HMBOX1: variants seen among roughly 807,000 people sequenced by gnomAD.
HMBOX1 encodes homeobox containing 1, also known as homeobox-containing protein 1.
In HMBOX1, 14 loss-of-function variants were observed where a neutral mutation model predicts 54.5. The observed-to-expected ratio is 0.26, with a 90% CI of 0.17 to 0.40. The LOEUF (loss-of-function observed/expected upper bound fraction) is 0.40, where lower values mean the gene tolerates loss of function less well. Among genes scored for constraint, HMBOX1 ranks in the 10% least tolerant of loss-of-function variants. The probability of loss-of-function intolerance (pLI) is 1.00; values close to 1 mark genes in which losing one functional copy is unlikely to be tolerated. For missense variants in HMBOX1, 332 were observed against 514.4 expected (o/e 0.65, Z 3.43); for synonymous variants, 160 against 181.0 (o/e 0.88, Z 0.93).
At chr8:28,935,399 A>G (rs982363048) in intron 1 of HMBOX1, among the ~76,000 whole-genome samples, 2 of 152,228 alleles carry the variant, frequency 1.3e-5, no homozygotes, top group African/African-American at 2.4e-5. Flanking sequence ...GAGACTGGAA[A>G]GACTTTTGTT....
intron 3 of HMBOX1, among the ~76,000 whole-genome samples, chr8:28,971,031 T>C (rs1039672701): frequency 3.7e-5 from 5 of 134,762 alleles, no homozygotes; most frequent in East Asian, 4.5e-4. Context: ...CACACACACA[T>C]TGTCTTTTAT....
At chr8:28,989,361 AC>A (rs1830633906) in intron 4 of HMBOX1, among the ~76,000 whole-genome samples, 2 of 152,010 alleles carry the variant, frequency 1.3e-5, no homozygotes, top group Non-Finnish European at 2.9e-5. Context: ...TTTAGCTCTT[AC>A]ATTAGGTCAA....
chr8:28,896,940 A>AT (rs373224922), intron 1 of HMBOX1, among the ~76,000 whole-genome samples: 169 of 142,688 alleles, frequency 1.2e-3, no homozygotes, highest in South Asian at 2.8e-3. Context: ...AAACATACCA[A>AT]TTTTTTTTTT....
chr8:29,014,130 A>G (rs994892177), intron 5 of HMBOX1, among the ~76,000 whole-genome samples: 3 of 152,152 alleles, frequency 2.0e-5, no homozygotes, highest in African/African-American at 7.2e-5. Flanking sequence ...ACATTATGAT[A>G]TATGTAAAGA....
At chr8:29,040,341 T>G (rs1476931930) in intron 6 of HMBOX1, among the ~76,000 whole-genome samples, 1 of 152,214 alleles carries the variant, frequency 6.6e-6, no homozygotes, top group Non-Finnish European at 1.5e-5. Flanking sequence ...TATTTCCTGG[T>G]CTACCTTTAT....
chr8:28,924,988 A>G (rs191909855), intron 1 of HMBOX1, among the ~76,000 whole-genome samples: 8 of 149,424 alleles, frequency 5.4e-5, no homozygotes, highest in African/African-American at 9.8e-5. Context: ...TAAGAGCAGA[A>G]CCTGTTATCT....
In HMBOX1 at chr8:29,009,193, T is replaced by C; in HGVS notation, c.697+11T>C. ...AGAAGACAAACCCTGGTAAATAGCATTTCCTTTTATTTATTGCATCTGAAA... is the reference window on the plus strand; with the variant it reads ...AGAAGACAAACCCTGGTAAATAGCACTTCCTTTTATTTATTGCATCTGAAA... On this transcript the variant is annotated intron_variant, in intron 5 of 9. Coordinates refer to ENST00000287701, the MANE Select transcript of HMBOX1 (RefSeq NM_001135726.3). 6.3e-7 allele frequency: 1 copy of C among 1,574,874 alleles called. No homozygotes were observed. The highest frequency in any genetic ancestry group is 8.7e-7 in the Non-Finnish European group (1 of 1,144,724).
intron 1 of HMBOX1, among the ~76,000 whole-genome samples, chr8:28,910,926 C>T (rs549010171): frequency 2.6e-5 from 4 of 152,250 alleles, no homozygotes; most frequent in African/African-American, 9.6e-5. Context: ...AGAGCAGTGA[C>T]AGGGTACCTT....
intron 1 of HMBOX1, among the ~76,000 whole-genome samples, chr8:28,898,888 A>C (rs1183477066): frequency 6.6e-6 from 1 of 152,172 alleles, no homozygotes; most frequent in Non-Finnish European, 1.5e-5. Context: ...GTAGCGTGGA[A>C]AGCACCTTTT....
chr8:28,980,214 A>G, intron 4 of HMBOX1, 58 bp downstream of exon 4: 1 of 1,242,622 alleles, frequency 8.0e-7, no homozygotes, highest in Admixed American at 1.7e-5. Flanking sequence ...CTTCTGGTGC[A>G]GATGTTGGAA....
intron 1 of HMBOX1, among the ~76,000 whole-genome samples, chr8:28,918,029 TTCTTC>T (rs954524834): frequency 6.6e-6 from 1 of 152,064 alleles, no homozygotes; most frequent in African/African-American, 2.4e-5. Context: ...GGGAAATTCT[TTCTTC>T]TCTTCTATTT....
At chr8:28,926,304 T>TATATACACACACACACAC (rs796953426) in intron 1 of HMBOX1, among the ~76,000 whole-genome samples, 4 of 142,138 alleles carry the variant, frequency 2.8e-5, no homozygotes, top group African/African-American at 1.1e-4. Context: ...TATATATATA[T>TATATACACACACACACAC]ACACACACAC....
At chr8:28,987,035 C>A (rs888799274) in intron 4 of HMBOX1, among the ~76,000 whole-genome samples, 1 of 152,120 alleles carries the variant, frequency 6.6e-6, no homozygotes, top group East Asian at 1.9e-4. Flanking sequence ...GGGCTTCAGT[C>A]ATCTCAAATG....
At chr8:29,006,108 T>G (rs1833420830) in intron 4 of HMBOX1, among the ~76,000 whole-genome samples, 2 of 150,702 alleles carry the variant, frequency 1.3e-5, no homozygotes. Context: ...TTCTCCTGCC[T>G]CAGCCTCCCG....
At chr8:28,937,807 T>C (rs1820661204) in intron 1 of HMBOX1, among the ~76,000 whole-genome samples, 1 of 152,236 alleles carries the variant, frequency 6.6e-6, no homozygotes, top group African/African-American at 2.4e-5. Context: ...AAAATAACTT[T>C]AAAAATTAGA....
chr8:28,966,810 T>C (rs1425270356), intron 2 of HMBOX1, among the ~76,000 whole-genome samples: 1 of 152,250 alleles, frequency 6.6e-6, no homozygotes, highest in African/African-American at 2.4e-5. Flanking sequence ...ATGATCATTC[T>C]AGCAATTGTG....
At chr8:28,925,291 A>G (rs1482508797) in intron 1 of HMBOX1, among the ~76,000 whole-genome samples, 1 of 152,186 alleles carries the variant, frequency 6.6e-6, no homozygotes, top group Non-Finnish European at 1.5e-5. Flanking sequence ...TAGCTCCTGA[A>G]TAAGAATACT....
intron 4 of HMBOX1, among the ~76,000 whole-genome samples, chr8:28,987,040 C>T (rs944430322): frequency 5.3e-5 from 8 of 152,112 alleles, no homozygotes; most frequent in African/African-American, 1.4e-4. Context: ...TCAGTCATCT[C>T]AAATGCAGTG....
rs539319947 is a variant in HMBOX1, at chr8:28,994,894, T to C, written c.587-14178T>C. 6.6e-5 allele frequency among the ~76,000 whole-genome samples: 10 copies of C among 152,310 alleles called. No homozygotes were observed. In the South Asian group the frequency reaches 1.5e-3, roughly 22 times the overall value. On this transcript the variant is annotated intron_variant, in intron 4 of 9. Transcript: ENST00000287701. Reference sequence around the variant, plus strand: ...AGAATATTAAATAAGAACAATTTAATTGCAAGAGATCAGGGGGGATTTTTG... The same window carrying C: ...AGAATATTAAATAAGAACAATTTAACTGCAAGAGATCAGGGGGGATTTTTG...
Sources: allele counts gnomAD v4.1 joint callset (sites outside exome capture counted in the v4.1 genomes callset), GRCh38; gene constraint gnomAD v4.1.1; transcripts MANE v1.5; gene names NCBI Gene and HGNC (gene_info 2026-07-23, HGNC 2026-07-21).